The following ALCAM variants were observed in gnomAD, a reference collection of about 807,000 sequenced individuals.
ALCAM encodes the protein activated leukocyte cell adhesion molecule, also known as CD166 antigen.
In ALCAM, 30 loss-of-function variants were observed where a neutral mutation model predicts 70.9. The observed-to-expected ratio is 0.42, with a 90% CI of 0.32 to 0.57. The LOEUF (loss-of-function observed/expected upper bound fraction) is 0.57. ALCAM is among the 20% of genes least tolerant of loss of function. The probability of loss-of-function intolerance (pLI) is 0.11; values close to 1 mark genes in which losing one functional copy is unlikely to be tolerated. For missense variants in ALCAM, 591 were observed against 695.1 expected (o/e 0.85, Z 1.68); for synonymous variants, 249 against 242.5 (o/e 1.03, Z -0.25).
At chr3:105,503,128 C>T (rs563716383) in intron 1 of ALCAM, among the ~76,000 whole-genome samples, 1 of 152,290 alleles carries the variant, frequency 6.6e-6, no homozygotes, top group African/African-American at 2.4e-5. Context: ...AAAGGGCTCG[C>T]GTGTGTTAAA....
chr3:105,476,131 A>G (rs1365450809), intron 1 of ALCAM, among the ~76,000 whole-genome samples: 1 of 151,986 alleles, frequency 6.6e-6, no homozygotes, highest in African/African-American at 2.4e-5. Flanking sequence ...GTGCATTCCA[A>G]GCTATTGATG....
intron 1 of ALCAM, among the ~76,000 whole-genome samples, chr3:105,458,973 A>C (rs544047553): frequency 6.6e-6 from 1 of 152,300 alleles, no homozygotes; most frequent in African/African-American, 2.4e-5. Context: ...ACCTTGGAAT[A>C]AAAGCCAAAT....
chr3:105,530,911 A>G (rs1939823682), intron 3 of ALCAM, among the ~76,000 whole-genome samples: 1 of 152,074 alleles, frequency 6.6e-6, no homozygotes. Context: ...AACATGTCTA[A>G]TAACTGAATT....
chr3:105,411,468 A>T (rs1297577279), intron 1 of ALCAM, among the ~76,000 whole-genome samples: 2 of 152,082 alleles, frequency 1.3e-5, no homozygotes, highest in Non-Finnish European at 1.5e-5. Context: ...CAGCTGGGAT[A>T]ATAGGAATAG....
intron 14 of ALCAM, among the ~76,000 whole-genome samples, chr3:105,560,017 T>C (rs73175463): frequency 0.1 from 15,337 of 152,228 alleles, 984 homozygotes; most frequent in Middle Eastern, 0.17. Flanking sequence ...ATGGCTAAAA[T>C]AAACATTTTT....
intron 1 of ALCAM, among the ~76,000 whole-genome samples, chr3:105,426,429 T>C (rs1003817130): frequency 2.0e-5 from 3 of 151,994 alleles, no homozygotes; most frequent in African/African-American, 7.2e-5. Flanking sequence ...GATAAATGTA[T>C]AAATTTTGTA....
chr3:105,477,226 C>T (rs1938145154), intron 1 of ALCAM, among the ~76,000 whole-genome samples: 1 of 151,960 alleles, frequency 6.6e-6, no homozygotes, highest in African/African-American at 2.4e-5. Context: ...TATATTTACC[C>T]ACATATTTAC....
At chr3:105,454,778 C>T (rs1049929389) in intron 1 of ALCAM, among the ~76,000 whole-genome samples, 2 of 141,390 alleles carry the variant, frequency 1.4e-5, no homozygotes, top group Admixed American at 7.8e-5. Context: ...AAGTGATTGT[C>T]GTGCCTCAGC....
At chr3:105,556,587 C>T (rs1030144932) in intron 14 of ALCAM, among the ~76,000 whole-genome samples, 2 of 151,888 alleles carry the variant, frequency 1.3e-5, no homozygotes, top group East Asian at 3.9e-4. Flanking sequence ...GGCTGAAGGG[C>T]TAAAGAGGAC....
intron 3 of ALCAM, among the ~76,000 whole-genome samples, chr3:105,528,015 C>A (rs1377327153): frequency 6.6e-6 from 1 of 152,140 alleles, no homozygotes; most frequent in Non-Finnish European, 1.5e-5. Context: ...CTTTTGCTCA[C>A]AGTAGTTGGC....
intron 1 of ALCAM, among the ~76,000 whole-genome samples, chr3:105,479,118 G>T (rs998407710): frequency 6.6e-6 from 1 of 152,042 alleles, no homozygotes; most frequent in East Asian, 1.9e-4. Context: ...AAGATCACAG[G>T]AAACTTTTCT....
chr3:105,470,337 A>G (rs1019328809), intron 1 of ALCAM, among the ~76,000 whole-genome samples: 1 of 147,986 alleles, frequency 6.8e-6, no homozygotes, highest in African/African-American at 2.5e-5. Context: ...GAGTTTATGC[A>G]TTTACTTGAT....
intron 1 of ALCAM, among the ~76,000 whole-genome samples, chr3:105,395,421 T>A (rs111743181): frequency 2.0e-5 from 3 of 152,016 alleles, no homozygotes; most frequent in African/African-American, 7.2e-5. Flanking sequence ...TTATTTCTTA[T>A]ATCCAGAGAT....
intron 1 of ALCAM, among the ~76,000 whole-genome samples, chr3:105,392,489 G>C (rs1284920560): frequency 2.0e-5 from 3 of 150,216 alleles, no homozygotes; most frequent in Admixed American, 6.7e-5. Flanking sequence ...TAGCTAGCAG[G>C]CTATTTTATT....
intron 1 of ALCAM, among the ~76,000 whole-genome samples, chr3:105,438,455 A>G (rs1937100359): frequency 6.6e-6 from 1 of 152,158 alleles, no homozygotes; most frequent in African/African-American, 2.4e-5. Flanking sequence ...CTATAATTCA[A>G]TAATGTATTT....
intron 3 of ALCAM, among the ~76,000 whole-genome samples, chr3:105,527,528 A>G (rs1939735429): frequency 6.6e-6 from 1 of 151,904 alleles, no homozygotes. Context: ...GTAAGGAGCT[A>G]TTTCTACTTG....
chr3:105,523,220 T>C (rs1939600256), intron 2 of ALCAM, among the ~76,000 whole-genome samples: 1 of 105,906 alleles, frequency 9.4e-6, no homozygotes. Context: ...AATTAGTAAC[T>C]ATTATTTATT....
chr3:105,391,434 G>A (rs1935814878), intron 1 of ALCAM, among the ~76,000 whole-genome samples: 1 of 151,980 alleles, frequency 6.6e-6, no homozygotes, highest in Non-Finnish European at 1.5e-5. Flanking sequence ...GCTTATTTTT[G>A]TACATTGATT....
intron 1 of ALCAM, among the ~76,000 whole-genome samples, chr3:105,404,228 A>G (rs371563166): frequency 6.6e-6 from 1 of 152,224 alleles, no homozygotes; most frequent in South Asian, 2.1e-4. Context: ...AAAGATGAGA[A>G]GCTCAAAGAA....
Sources: allele counts gnomAD v4.1 joint callset (sites outside exome capture counted in the v4.1 genomes callset), GRCh38; gene constraint gnomAD v4.1.1; transcripts MANE v1.5; gene names NCBI Gene and HGNC (gene_info 2026-07-23, HGNC 2026-07-21).